NINJ2: variants seen among roughly 807,000 people sequenced by gnomAD.
NINJ2 encodes the protein ninjurin-2.
Under a neutral mutation model 11.7 loss-of-function variants are expected in NINJ2, and 12 were observed. The ratio of observed to expected loss-of-function variants is 1.02; its 90% CI spans 0.66 to 1.66. The LOEUF (loss-of-function observed/expected upper bound fraction) is 1.66, where lower values mean the gene tolerates loss of function less well. NINJ2 is among the 40% of genes most tolerant of loss of function. NINJ2 has a pLI of 0.00. For synonymous variants in NINJ2, 93 were observed against 76.8 expected (o/e 1.21, Z -1.10); for missense variants, 187 against 181.8 (o/e 1.03, Z -0.16).
At chr12:648,850 CCT>C (rs1278799833) in intron 1 of NINJ2, among the ~76,000 whole-genome samples, 1 of 152,154 alleles carries the variant, frequency 6.6e-6, no homozygotes, top group African/African-American at 2.4e-5. Flanking sequence ...CCAGATATGC[CCT>C]GTGTTTTCCT....
intron 1 of NINJ2, among the ~76,000 whole-genome samples, chr12:587,641 C>T (rs922698813): frequency 2.0e-5 from 3 of 152,302 alleles, no homozygotes; most frequent in Non-Finnish European, 4.4e-5. Flanking sequence ...CTCCATCTCA[C>T]CCTGCCCAGC....
At chr12:649,036 C>A (rs1019547748) in intron 1 of NINJ2, among the ~76,000 whole-genome samples, 1 of 60,726 alleles carries the variant, frequency 1.6e-5, no homozygotes, top group East Asian at 5.0e-4. Flanking sequence ...CTATCTATCT[C>A]AAGTGATTTT....
chr12:586,816 G>C (rs923970696), intron 1 of NINJ2, among the ~76,000 whole-genome samples: 4 of 152,198 alleles, frequency 2.6e-5, no homozygotes, highest in African/African-American at 9.6e-5. Flanking sequence ...AGGGATCCAG[G>C]TGTGGGGATC....
intron 1 of NINJ2, among the ~76,000 whole-genome samples, chr12:601,431 C>A (rs527863152): frequency 6.6e-6 from 1 of 151,962 alleles, no homozygotes; most frequent in East Asian, 1.9e-4. Context: ...GCCTGTAGTC[C>A]CAGCTACAGG....
intron 1 of NINJ2, among the ~76,000 whole-genome samples, chr12:647,427 G>T (rs1314205704): frequency 7.5e-6 from 1 of 133,846 alleles, no homozygotes; most frequent in African/African-American, 2.7e-5. Context: ...ACAGTGTGGT[G>T]GTGCCCTGCA....
chr12:600,605 C>G (rs1282833991), intron 1 of NINJ2, among the ~76,000 whole-genome samples: 1 of 151,054 alleles, frequency 6.6e-6, no homozygotes, highest in Non-Finnish European at 1.5e-5. Flanking sequence ...AGTGGAGAAA[C>G]AGTTTGAAAT....
intron 1 of NINJ2, among the ~76,000 whole-genome samples, chr12:583,612 C>G (rs1366901329): frequency 1.3e-5 from 2 of 152,246 alleles, no homozygotes; most frequent in Non-Finnish European, 2.9e-5. Context: ...CTTGCCCATG[C>G]TGAATTGTGG....
chr12:629,896 A>AAAAAAAAAAAT, intron 1 of NINJ2, among the ~76,000 whole-genome samples: 16 of 9,898 alleles, frequency 1.6e-3, no homozygotes, highest in African/African-American at 2.3e-3. Context: ...AAAAAAAAAA[A>AAAAAAAAAAAT]ATATATATAT....
Position 587,773 on chromosome 12 carries a change from C to T in NINJ2, c.34-21595G>A, listed in dbSNP as rs534132427. 1.4e-4 allele frequency among the ~76,000 whole-genome samples: 22 copies of T among 152,310 alleles called. No homozygotes were observed. The East Asian group carries it at 4.1e-3, about 28-fold the overall frequency. On this transcript the variant is annotated intron_variant, in intron 1 of 3. Coordinates refer to ENST00000305108, the MANE Select transcript of NINJ2 (RefSeq NM_016533.6). ...AGAGCAGATTGAACACCCCATCCCC[C>T]GTGTTTGAAATGCCCTCTGGGCCCT...
rs1205165188 is a variant in NINJ2 at position 580,666 on chromosome 12, G to A, written c.34-14488C>T. ...AAGAGACTTCAAAGGCAGGACCAGG[G>A]TGAGCTGAACTCCATGAACCTCTTC... On this transcript the variant is annotated intron_variant, in intron 1 of 3. Transcript: ENST00000305108. The surrounding 1 kb of genome is among the most constrained non-coding windows in gnomAD (Gnocchi z 4.7). Among the ~76,000 whole-genome samples the A allele has an allele frequency of 6.6e-6, 1 of 152,108 alleles. No homozygotes were observed. Among genetic ancestry groups the A allele is most frequent in the Non-Finnish European group, 1.5e-5 (1 of 68,018 alleles).
chr12:604,982 A>C (rs1281119268), intron 1 of NINJ2, among the ~76,000 whole-genome samples: 1 of 152,218 alleles, frequency 6.6e-6, no homozygotes, highest in Non-Finnish European at 1.5e-5. Context: ...GGAAGCAAGA[A>C]TATGTGTTTA....
chr12:596,736 G>A (rs4485167), intron 1 of NINJ2, among the ~76,000 whole-genome samples: 13,029 of 151,938 alleles, frequency 0.086, 709 homozygotes, highest in African/African-American at 0.16. Context: ...CAGCCTGGGG[G>A]ACATGGCAAA....
chr12:627,178 T>C (rs891497752), intron 1 of NINJ2, among the ~76,000 whole-genome samples: 1 of 152,174 alleles, frequency 6.6e-6, no homozygotes, highest in Non-Finnish European at 1.5e-5. Flanking sequence ...TATTTTTGAA[T>C]TAAATCATAG....
intron 1 of NINJ2, among the ~76,000 whole-genome samples, chr12:653,522 C>G (rs569147071): frequency 6.6e-6 from 1 of 151,838 alleles, no homozygotes; most frequent in African/African-American, 2.4e-5. Flanking sequence ...GGTACTCACA[C>G]GATCCATGAA....
intron 1 of NINJ2, among the ~76,000 whole-genome samples, chr12:609,642 G>A (rs1195053045): frequency 6.6e-6 from 1 of 151,908 alleles, no homozygotes; most frequent in African/African-American, 2.4e-5. Flanking sequence ...GTGGTGGCGG[G>A]CGCCTGTAGT....
chr12:596,922 C>CA (rs1335774029), intron 1 of NINJ2, among the ~76,000 whole-genome samples: 1,969 of 119,162 alleles, frequency 0.017, 49 homozygotes, highest in African/African-American at 0.056. Context: ...GACCCTGTCT[C>CA]AAAAAAAAAA....
chr12:569,166 A>G (rs2051861778), intron 1 of NINJ2, among the ~76,000 whole-genome samples: 1 of 152,190 alleles, frequency 6.6e-6, no homozygotes, highest in Admixed American at 6.5e-5. Context: ...GGGAGGCCAC[A>G]CACGGCGTTC....
In NINJ2 at chr12:610,672, A is replaced by C. The variant is rs1195057371; in HGVS notation, c.34-44494T>G. ...GTCTGAAGGAGACAACTTCAACTCA[A>C]CCTTGTTTAGCAGAACTGGGCTATG... On this transcript the variant is annotated intron_variant, in intron 1 of 3. Transcript: ENST00000305108. The C allele has an allele frequency of 7.7e-5, 76 of 981,698 alleles. 1 individual carries two copies. The South Asian group carries it at 3.2e-3, about 41-fold the overall frequency. 60.8% of individuals were successfully genotyped at this position (981,698 alleles called of 1,614,324 possible). A position where few individuals can be genotyped will look rare whatever the true frequency, so the allele number is the denominator to read the frequency against.
chr12:634,886 C>T (rs1406310545), intron 1 of NINJ2, among the ~76,000 whole-genome samples: 2 of 152,074 alleles, frequency 1.3e-5, no homozygotes, highest in Non-Finnish European at 2.9e-5. Flanking sequence ...GGTATAAGTA[C>T]AAGAGGTTGG....
Sources: allele counts gnomAD v4.1 joint callset (sites outside exome capture counted in the v4.1 genomes callset), GRCh38; gene constraint gnomAD v4.1.1; non-coding constraint Gnocchi (gnomAD v3.1); transcripts MANE v1.5; gene names NCBI Gene and HGNC (gene_info 2026-07-23, HGNC 2026-07-21).